Variants in XPO5 observed in about 807,000 individuals in gnomAD.
The protein encoded by XPO5 is exportin 5.
A neutral mutation model predicts 160.6 loss-of-function variants in XPO5; 46 were observed. The observed-to-expected ratio is 0.29, with a 90% CI of 0.23 to 0.37. The LOEUF (loss-of-function observed/expected upper bound fraction) is 0.37. Among genes scored for constraint, XPO5 ranks in the 10% least tolerant of loss-of-function variants. The pLI is 1.00. For synonymous variants in XPO5, 537 were observed against 519.3 expected (o/e 1.03, Z -0.46); for missense variants, 1,090 against 1,463.9 (o/e 0.74, Z 4.17).
intron 20 of XPO5, among the ~76,000 whole-genome samples, chr6:43,540,675 C>T (rs771606145): frequency 1.3e-5 from 2 of 151,904 alleles, no homozygotes; most frequent in Non-Finnish European, 2.9e-5. Context: ...ATTAAAAAAT[C>T]GATATGGGGT....
rs758095325 is a variant in XPO5 at position 43,551,472 on chromosome 6, A to G, written c.1573-19T>C. On this transcript the variant is annotated intron_variant, in intron 14 of 31. Transcript: ENST00000265351. Reference sequence around the variant, plus strand: ...GAATTTCCTGTAACAAAGACATAAAACAGGTTGACAATGGCTGCCTCCACT... The same window carrying G: ...GAATTTCCTGTAACAAAGACATAAAGCAGGTTGACAATGGCTGCCTCCACT... The G allele has an allele frequency of 1.1e-5, 18 of 1,606,276 alleles. No individual in the cohort carries two copies. Among genetic ancestry groups the G allele is most frequent in the Middle Eastern group, 1.7e-4 (1 of 5,926 alleles).
chr6:43,563,910 T>G (rs1179907011), intron 8 of XPO5, among the ~76,000 whole-genome samples: 1 of 152,104 alleles, frequency 6.6e-6, no homozygotes, highest in Non-Finnish European at 1.5e-5. Flanking sequence ...TTCTGTACCC[T>G]TAGGCTAAAC....
intron 26 of XPO5, 50 bp downstream of exon 26, chr6:43,527,584 T>A: frequency 6.3e-7 from 1 of 1,593,984 alleles, no homozygotes; most frequent in Non-Finnish European, 8.6e-7. Flanking sequence ...AGCGACCAGC[T>A]CTTCTTCCAG....
intron 27 of XPO5, chr6:43,526,246 T>C (rs1793580683): frequency 7.6e-6 from 3 of 394,874 alleles, no homozygotes; most frequent in South Asian, 6.6e-5. Context: ...TATAGGACAA[T>C]AGGTCCCTTC....
intron 24 of XPO5, 39 bp downstream of exon 24, chr6:43,528,789 A>ATAG (rs1561864605): frequency 6.3e-7 from 1 of 1,580,478 alleles, no homozygotes; most frequent in Non-Finnish European, 8.7e-7. Context: ...AGAGGCCTTA[A>ATAG]TAGTACTCTT....
intron 20 of XPO5, among the ~76,000 whole-genome samples, chr6:43,544,542 T>G (rs1794873646): frequency 6.6e-6 from 1 of 152,344 alleles, no homozygotes; most frequent in African/African-American, 2.4e-5. Context: ...GCCACAGGCC[T>G]AAAAAGGTCT....
In XPO5 at chr6:43,575,915, A is replaced by C; in HGVS notation, c.-51T>G. 1 of 1,569,432 alleles carries C rather than the reference A, an allele frequency of 6.4e-7. No homozygotes were observed. The stretch of plus-strand genomic sequence containing the variant: ...ACACCACTGCAGTCCCGGGACCACG[A>C]GGCACGACAGCTCCCTCGGCGAGAC... On this transcript the variant is annotated 5_prime_UTR_variant, in exon 1 of 32. Coordinates refer to ENST00000265351, the MANE Select transcript of XPO5 (RefSeq NM_020750.3).
chr6:43,547,170 G>C, intron 19 of XPO5: 1 of 346,220 alleles, frequency 2.9e-6, no homozygotes, highest in Admixed American at 4.6e-5. Context: ...CCTACTACTT[G>C]CCAGGTTAAT....
chr6:43,531,616 C>A (rs751916995), intron 21 of XPO5, 41 bp from the exon 22 acceptor site: 1 of 1,550,318 alleles, frequency 6.5e-7, no homozygotes, highest in Admixed American at 1.7e-5. Context: ...GCTCCACTGT[C>A]AGGAGTCTCA....
rs1247609112 is a variant in XPO5, at chr6:43,560,216, G to A, written c.1183C>T (p.Pro395Ser). The change falls in exon 11 of 32, where the codon CCA becomes TCA. Residue 395 changes from proline (P) to serine (S), a missense_variant. Pro to Ser is a moderately conservative substitution (Grantham distance 74). This residue lies in a region of XPO5 where 810 missense variants were observed against 1,139.0 expected (regional missense o/e 0.71). Transcript: ENST00000265351. ...GTCATGGAAGCACGAAGATATTTTG[G>A]TATTATTGCTAATAGCAAAGGATCA... ...SRDPLLLAII[P>S]KYLRASMTNL... 1.2e-6 allele frequency: 2 copies of A among 1,612,318 alleles called. No individual in the cohort carries two copies. Among genetic ancestry groups the A allele is most frequent in the East Asian group, 2.2e-5 (1 of 44,862 alleles).
rs775500325 is a variant in XPO5, at chr6:43,547,405, T to C, written c.2160+203A>G. 8 of 658,552 alleles carry C rather than the reference T, an allele frequency of 1.2e-5. 1 individual carries two copies. The highest frequency in any genetic ancestry group is 5.8e-5 in the East Asian group (2 of 34,214). 40.8% of individuals were successfully genotyped at this position (658,552 alleles called of 1,614,324 possible). A position where few individuals can be genotyped will look rare whatever the true frequency, so the allele number is the denominator to read the frequency against. Reference sequence around the variant, plus strand: ...CCTTAAAGCCAAAATAATGACTTCATAGAAAAGACCATCTGCTCTGCTGTG... The same window carrying C: ...CCTTAAAGCCAAAATAATGACTTCACAGAAAAGACCATCTGCTCTGCTGTG... On this transcript the variant is annotated intron_variant, in intron 19 of 31. Coordinates refer to ENST00000265351, the MANE Select transcript of XPO5 (RefSeq NM_020750.3).
Position 43,523,363 on chromosome 6 carries a change from C to A in XPO5, c.*505G>T, listed in dbSNP as rs1378964508. On this transcript the variant is annotated 3_prime_UTR_variant, in exon 32 of 32. Coordinates refer to ENST00000265351, the MANE Select transcript of XPO5 (RefSeq NM_020750.3). Reference sequence around the variant, plus strand: ...TTCAGCACTTAGCACCTAACCCAGACATGCCCCTTAGGGAGTGGGGAAAGT... The same window carrying A: ...TTCAGCACTTAGCACCTAACCCAGAAATGCCCCTTAGGGAGTGGGGAAAGT... 7.1e-6 allele frequency: 2 copies of A among 282,950 alleles called. No individual in the cohort carries two copies. The highest frequency in any genetic ancestry group is 1.4e-5 in the Non-Finnish European group (2 of 144,422). 17.5% of individuals were successfully genotyped at this position (282,950 alleles called of 1,614,324 possible).
At chr6:43,536,392 G>A (rs529996160) in intron 20 of XPO5, among the ~76,000 whole-genome samples, 38 of 142,730 alleles carry the variant, frequency 2.7e-4, no homozygotes, top group African/African-American at 9.6e-4. Flanking sequence ...TCCAGCCTGC[G>A]CAACACAGTG....
intron 6 of XPO5, among the ~76,000 whole-genome samples, chr6:43,567,760 A>T (rs6914190): frequency 0.13 from 19,745 of 151,734 alleles, 2,958 homozygotes; most frequent in African/African-American, 0.37. Flanking sequence ...TAAAATAAAA[A>T]AAATACCCTA....
chr6:43,558,055 A>G (rs1383862782), intron 12 of XPO5, among the ~76,000 whole-genome samples: 1 of 151,668 alleles, frequency 6.6e-6, no homozygotes, highest in Non-Finnish European at 1.5e-5. Flanking sequence ...AGATCGCGCC[A>G]TTGCACTCCA....
At chr6:43,566,260 G>T (rs1762688786) in intron 7 of XPO5, among the ~76,000 whole-genome samples, 1 of 152,160 alleles carries the variant, frequency 6.6e-6, no homozygotes, top group Non-Finnish European at 1.5e-5. Context: ...TGGGTGTGGT[G>T]GCACACGCCT....
At chr6:43,572,460 G>GCTT in intron 3 of XPO5, 46 bp downstream of exon 3, 2 of 1,593,894 alleles carry the variant, frequency 1.3e-6, no homozygotes, top group Non-Finnish European at 1.7e-6. Flanking sequence ...GTCACGCTTT[G>GCTT]CCTAAACTAC....
At position 43,575,952 on chromosome 6, in the gene XPO5, A is replaced by T; in HGVS notation, c.-88T>A. The T allele has an allele frequency of 7.4e-7, 1 of 1,360,044 alleles. No homozygotes were observed. The highest frequency in any genetic ancestry group is 1.0e-6 in the Non-Finnish European group (1 of 979,060). 84.2% of individuals were successfully genotyped at this position (1,360,044 alleles called of 1,614,324 possible). A position where few individuals can be genotyped will look rare whatever the true frequency, so the allele number is the denominator to read the frequency against. ...TCCCTCGGCGAGACCACCCGTTGGT[A>T]CCGGGCCGCGGCGGGCGGCGGGGGT... On this transcript the variant is annotated 5_prime_UTR_variant, in exon 1 of 32. Transcript: ENST00000265351.
At position 43,553,508 on chromosome 6, in the gene XPO5, A is replaced by G. The variant is rs976743601; in HGVS notation, c.1442-5T>C. The stretch of plus-strand genomic sequence containing the variant: ...CAGTTCCAACTGCAGAACAAGCTTT[A>G]AAACACACACACACACATACACACA... On this transcript the variant is annotated splice_region_variant and splice_polypyrimidine_tract_variant and intron_variant, in intron 13 of 31. Transcript: ENST00000265351. The G allele has an allele frequency of 2.6e-6, 4 of 1,549,680 alleles. No homozygotes were observed. The highest frequency in any genetic ancestry group is 3.5e-6 in the Non-Finnish European group (4 of 1,147,868).
Sources: allele counts gnomAD v4.1 joint callset (sites outside exome capture counted in the v4.1 genomes callset), GRCh38; gene constraint gnomAD v4.1.1; regional missense constraint gnomAD v4.1.1; transcripts MANE v1.5; gene names NCBI Gene and HGNC (gene_info 2026-07-23, HGNC 2026-07-21).